The following SNTG1 variants were observed in gnomAD, a reference collection of about 807,000 sequenced individuals.
The protein encoded by SNTG1 is gamma-1-syntrophin.
Under a neutral mutation model 74.7 loss-of-function variants are expected in SNTG1, and 39 were observed. The observed-to-expected ratio is 0.52, with a 90% CI of 0.40 to 0.68. The LOEUF is 0.68. SNTG1 is among the 30% of genes least tolerant of loss of function. The pLI is 0.00. For missense variants in SNTG1, 685 were observed against 609.5 expected (o/e 1.12, Z -1.30); for synonymous variants, 254 against 217.1 (o/e 1.17, Z -1.49).
intron 1 of SNTG1, among the ~76,000 whole-genome samples, chr8:50,095,171 G>A (rs1335189351): frequency 6.6e-6 from 1 of 151,724 alleles, no homozygotes; most frequent in African/African-American, 2.4e-5. Context: ...GAAAGTGGGA[G>A]GACAGTGAGG....
At chr8:50,276,820 C>T (rs1378292526) in intron 2 of SNTG1, among the ~76,000 whole-genome samples, 8 of 151,998 alleles carry the variant, frequency 5.3e-5, no homozygotes, top group African/African-American at 1.9e-4. Flanking sequence ...ATTAGTTGAG[C>T]ATGGTGGTGC....
chr8:50,600,438 G>C (rs2094764240), intron 13 of SNTG1, among the ~76,000 whole-genome samples: 1 of 151,978 alleles, frequency 6.6e-6, no homozygotes, highest in South Asian at 2.1e-4. Flanking sequence ...TTTCTTTACT[G>C]GGAGACTCAT....
chr8:50,206,494 C>G (rs975646846), intron 2 of SNTG1, among the ~76,000 whole-genome samples: 1 of 152,184 alleles, frequency 6.6e-6, no homozygotes, highest in African/African-American at 2.4e-5. Flanking sequence ...TCTAAATACA[C>G]AATCATGTCA....
intron 5 of SNTG1, among the ~76,000 whole-genome samples, chr8:50,440,209 A>G (rs1345983942): frequency 6.6e-6 from 1 of 151,964 alleles, no homozygotes; most frequent in African/African-American, 2.4e-5. Context: ...GTTAACAAAA[A>G]AGAACTTTTT....
chr8:50,238,148 A>C (rs1169085666), intron 2 of SNTG1, among the ~76,000 whole-genome samples: 1 of 152,174 alleles, frequency 6.6e-6, no homozygotes, highest in Non-Finnish European at 1.5e-5. Context: ...AATTTCTAAA[A>C]TTCATATGAA....
Position 50,750,629 on chromosome 8 carries a change from T to A in SNTG1, c.1285-1372T>A, listed in dbSNP as rs529876628. 5.8e-4 allele frequency among the ~76,000 whole-genome samples: 88 copies of A among 152,124 alleles called. 1 individual carries two copies. In the South Asian group the frequency reaches 8.9e-3, roughly 15 times the overall value. On this transcript the variant is annotated intron_variant, in intron 17 of 18. Coordinates refer to ENST00000642720, the MANE Select transcript of SNTG1 (RefSeq NM_018967.5). ...CCTGATGAGCCAGCAGCTGTCAGCA[T>A]CAAGGCAGCACCCTCCACCAGCAAA... is the stretch of plus-strand genomic sequence containing the variant.
intron 1 of SNTG1, among the ~76,000 whole-genome samples, chr8:49,978,638 G>C (rs1432762969): frequency 6.6e-6 from 1 of 152,090 alleles, no homozygotes; most frequent in Non-Finnish European, 1.5e-5. Context: ...TCTACCAGAA[G>C]TATGAGGACA....
chr8:49,929,406 G>A (rs1426012481), intron 1 of SNTG1, among the ~76,000 whole-genome samples: 1 of 152,238 alleles, frequency 6.6e-6, no homozygotes, highest in Non-Finnish European at 1.5e-5. Context: ...TGTAGAGCTT[G>A]TGCAGGCCAT....
chr8:50,475,342 A>G (rs565355124), intron 8 of SNTG1, among the ~76,000 whole-genome samples: 36 of 152,240 alleles, frequency 2.4e-4, no homozygotes, highest in Admixed American at 7.2e-4. Flanking sequence ...TAAAATCATG[A>G]CAAATCACAT....
chr8:50,247,193 G>A (rs1355016811), intron 2 of SNTG1, among the ~76,000 whole-genome samples: 5 of 152,108 alleles, frequency 3.3e-5, no homozygotes, highest in Non-Finnish European at 2.9e-5. Context: ...TATTACTGCA[G>A]GCTTCATCAT....
intron 2 of SNTG1, among the ~76,000 whole-genome samples, chr8:50,176,844 T>C (rs2083016982): frequency 6.6e-6 from 1 of 152,208 alleles, no homozygotes; most frequent in Non-Finnish European, 1.5e-5. Context: ...TTGTTCGTAT[T>C]GTCTACCCTA....
chr8:50,270,029 TA>T (rs902555124), intron 2 of SNTG1, among the ~76,000 whole-genome samples: 56 of 152,272 alleles, frequency 3.7e-4, no homozygotes, highest in African/African-American at 1.3e-3. Flanking sequence ...AAATAATTTT[TA>T]AAAAGATTTT....
At chr8:50,453,145 C>A (rs1486791013) in intron 8 of SNTG1, among the ~76,000 whole-genome samples, 1 of 152,128 alleles carries the variant, frequency 6.6e-6, no homozygotes, top group Non-Finnish European at 1.5e-5. Context: ...AAACAGTCTT[C>A]AAAAGTGTAA....
chr8:50,737,302 A>C (rs189724953), intron 17 of SNTG1, among the ~76,000 whole-genome samples: 1 of 152,326 alleles, frequency 6.6e-6, no homozygotes, highest in African/African-American at 2.4e-5. Flanking sequence ...TAAACCAGAA[A>C]ATGTAGAATA....
chr8:49,949,008 C>A (rs1237410608), intron 1 of SNTG1, among the ~76,000 whole-genome samples: 6 of 152,184 alleles, frequency 3.9e-5, no homozygotes, highest in African/African-American at 1.4e-4. Flanking sequence ...CACCGATCCT[C>A]ACCCACTGGA....
At chr8:50,665,194 G>A (rs1201200442) in intron 15 of SNTG1, among the ~76,000 whole-genome samples, 3 of 152,054 alleles carry the variant, frequency 2.0e-5, no homozygotes, top group Non-Finnish European at 2.9e-5. Context: ...AATGAGGAGG[G>A]TATTCAGAGT....
chr8:50,369,316 G>T (rs2092208012), intron 2 of SNTG1, among the ~76,000 whole-genome samples: 1 of 152,196 alleles, frequency 6.6e-6, no homozygotes. Flanking sequence ...AGAAAAAGAG[G>T]CTGGGCACGG....
intron 17 of SNTG1, among the ~76,000 whole-genome samples, chr8:50,746,094 T>C (rs751780086): frequency 6.6e-6 from 1 of 151,978 alleles, no homozygotes; most frequent in Non-Finnish European, 1.5e-5. Flanking sequence ...TAATTGTTAA[T>C]GTTAAATAAT....
intron 1 of SNTG1, among the ~76,000 whole-genome samples, chr8:50,036,203 A>C (rs1399821991): frequency 6.6e-6 from 1 of 152,210 alleles, no homozygotes; most frequent in Non-Finnish European, 1.5e-5. Context: ...GACATACATT[A>C]TCTCTCTTAA....
Sources: allele counts gnomAD v4.1 joint callset (sites outside exome capture counted in the v4.1 genomes callset), GRCh38; gene constraint gnomAD v4.1.1; transcripts MANE v1.5; gene names NCBI Gene and HGNC (gene_info 2026-07-23, HGNC 2026-07-21).